The following CHI3L2 variants were observed in gnomAD, a reference collection of about 807,000 sequenced individuals.
CHI3L2 encodes chitinase-3-like protein 2.
Under a neutral mutation model 47.3 loss-of-function variants are expected in CHI3L2, and 47 were observed. That is an observed-to-expected ratio of 0.99 (90% CI 0.79 to 1.27). The LOEUF (loss-of-function observed/expected upper bound fraction) is 1.27. Among genes scored for constraint, CHI3L2 ranks in the 50% most tolerant of loss-of-function variants. The probability of loss-of-function intolerance (pLI) is 0.00; values close to 1 mark genes in which losing one functional copy is unlikely to be tolerated. For missense variants in CHI3L2, 497 were observed against 462.1 expected, an observed-to-expected ratio of 1.08 and a Z score of -0.69; for synonymous variants, 198 against 169.9, an observed-to-expected ratio of 1.17 and a Z score of -1.28.
In CHI3L2 at chr1:111,235,623, T is replaced by G. The variant is rs1279088805; in HGVS notation, c.481-16T>G. ...GGGAAGGGGAATATTGCACCTCGTT[T>G]CTTTGTTTTTCCTAGGAGTTAGCAG... On this transcript the variant is annotated splice_polypyrimidine_tract_variant and intron_variant, in intron 5 of 10. Transcript: ENST00000369748. The G allele has an allele frequency of 6.2e-7, 1 of 1,611,526 alleles. No homozygotes were observed. The highest frequency in any genetic ancestry group is 2.2e-5 in the East Asian group (1 of 44,872).
chr1:111,243,376 T>C lies in CHI3L2; in HGVS notation c.*162T>C, dbSNP rs1338068063. The C allele has an allele frequency of 7.8e-6, 3 of 385,528 alleles. No homozygotes were observed. The highest frequency in any genetic ancestry group is 1.5e-5 in the Non-Finnish European group (3 of 196,170). The allele number at this position is 385,528 out of a possible 1,614,324, so 23.9% of individuals were successfully genotyped here. Reference sequence around the variant, plus strand: ...AGATCATAGATTGGACCTGGTTTTGTTTTCCTGCAGCTGTTGACTTGTTGC... The same window carrying C: ...AGATCATAGATTGGACCTGGTTTTGCTTTCCTGCAGCTGTTGACTTGTTGC... On this transcript the variant is annotated 3_prime_UTR_variant, in exon 11 of 11. Transcript: ENST00000369748.
At chr1:111,231,037 A>G in intron 3 of CHI3L2, 94 bp downstream of exon 3, 2 of 1,046,226 alleles carry the variant, frequency 1.9e-6, no homozygotes, top group Non-Finnish European at 2.9e-6. Context: ...TCATTCATTC[A>G]TTCATTCCTA....
chr1:111,241,317 C>G lies in CHI3L2; in HGVS notation c.919-10C>G, dbSNP rs1056299339. The G allele has an allele frequency of 6.9e-7, 1 of 1,448,522 alleles. No homozygotes were observed. Among genetic ancestry groups the G allele is most frequent in the Non-Finnish European group, 9.7e-7 (1 of 1,027,082 alleles). 89.7% of individuals were successfully genotyped at this position (1,448,522 alleles called of 1,614,324 possible). ...ATTACTGACCCTCTCGTTTCCCTTT[C>G]CCCTGCCAGATCTGCCAGTTCCTGA... On this transcript the variant is annotated splice_polypyrimidine_tract_variant and intron_variant, in intron 8 of 10. Coordinates refer to ENST00000369748, the MANE Select transcript of CHI3L2 (RefSeq NM_004000.3).
intron 8 of CHI3L2, among the ~76,000 whole-genome samples, chr1:111,240,073 T>C (rs902923189): frequency 6.6e-6 from 1 of 152,074 alleles, no homozygotes; most frequent in Non-Finnish European, 1.5e-5. Context: ...GAAGGCTCCA[T>C]GGAAGAGGAG....
rs749883055 is a variant in CHI3L2 at position 111,229,894 on chromosome 1, T to C, written c.70+13T>C. 6.2e-7 allele frequency: 1 copy of C among 1,613,920 alleles called. No homozygotes were observed. Among genetic ancestry groups the C allele is most frequent in the South Asian group, 1.1e-5 (1 of 91,072 alleles). On this transcript the variant is annotated intron_variant, in intron 2 of 10. Coordinates refer to ENST00000369748, the MANE Select transcript of CHI3L2 (RefSeq NM_004000.3). Reference sequence around the variant, plus strand: ...CTTCTCCAGGGAGGTAAGTAGTCAATAAGTCACTACCGCCTGGATCTCCTG... The same window carrying C: ...CTTCTCCAGGGAGGTAAGTAGTCAACAAGTCACTACCGCCTGGATCTCCTG...
Position 111,234,902 on chromosome 1 carries a change from T to C in CHI3L2, c.330-5T>C, listed in dbSNP as rs1298690344. 3.1e-6 allele frequency: 5 copies of C among 1,613,570 alleles called. 1 individual carries two copies. In the Admixed American group the frequency reaches 8.3e-5, roughly 27 times the overall value. On this transcript the variant is annotated splice_polypyrimidine_tract_variant and splice_region_variant and intron_variant, in intron 4 of 10. Transcript: ENST00000369748. ...CAAAAAGACACTCGTATTGCTTCTT[T>C]CCAGGTTCCACCCTATGGTGGATTC...
intron 8 of CHI3L2, among the ~76,000 whole-genome samples, chr1:111,239,624 G>C (rs1659989721): frequency 6.6e-6 from 1 of 152,164 alleles, no homozygotes; most frequent in African/African-American, 2.4e-5. Flanking sequence ...AGAGAAGTAG[G>C]TGTTTCAAAA....
chr1:111,232,559 C>T (rs1659754454), intron 4 of CHI3L2, among the ~76,000 whole-genome samples: 1 of 152,124 alleles, frequency 6.6e-6, no homozygotes, highest in Non-Finnish European at 1.5e-5. Context: ...ACAGAATTTA[C>T]CTCAGGGTGG....
intron 8 of CHI3L2, among the ~76,000 whole-genome samples, chr1:111,240,212 C>T (rs1005381925): frequency 2.0e-5 from 3 of 152,156 alleles, no homozygotes; most frequent in South Asian, 2.1e-4. Context: ...AACATGCCAT[C>T]GGCCCATGCT....
chr1:111,235,589 C>T, intron 5 of CHI3L2, 50 bp from the exon 6 acceptor site: 2 of 1,590,372 alleles, frequency 1.3e-6, no homozygotes, highest in Non-Finnish European at 1.7e-6. Context: ...AAGCTTAGCA[C>T]TGTACTCTGG....
At chr1:111,238,363 G>A (rs1042797366) in intron 7 of CHI3L2, among the ~76,000 whole-genome samples, 1 of 152,346 alleles carries the variant, frequency 6.6e-6, no homozygotes, top group South Asian at 2.1e-4. Flanking sequence ...AGGCCTCATG[G>A]ACTAGGAATC....
chr1:111,229,043 C>T (rs557390899), intron 1 of CHI3L2, among the ~76,000 whole-genome samples: 2 of 152,294 alleles, frequency 1.3e-5, no homozygotes, highest in African/African-American at 2.4e-5. Context: ...CATAGTGGGA[C>T]CATCTCAATT....
At chr1:111,237,422 A>G (rs1295492447) in intron 7 of CHI3L2, among the ~76,000 whole-genome samples, 2 of 152,226 alleles carry the variant, frequency 1.3e-5, no homozygotes, top group Admixed American at 6.5e-5. Flanking sequence ...TGTTTCATAT[A>G]TATGGATGTA....
At chr1:111,239,572 GAGGGAT>G (rs919211279) in intron 8 of CHI3L2, among the ~76,000 whole-genome samples, 2 of 152,178 alleles carry the variant, frequency 1.3e-5, no homozygotes, top group Non-Finnish European at 1.5e-5. Flanking sequence ...GGAACTACAA[GAGGGAT>G]AGGAGGAACC....
chr1:111,235,959 ATTAC>A (rs1432130910), intron 6 of CHI3L2, 61 bp from the exon 7 acceptor site: 15 of 1,594,638 alleles, frequency 9.4e-6, no homozygotes, highest in African/African-American at 1.3e-5. Context: ...AGCCAAAACA[ATTAC>A]TTACAATTGT....
chr1:111,235,740 C>A lies in CHI3L2; in HGVS notation c.582C>A (p.Ser194Arg). 6.2e-7 allele frequency: 1 copy of A among 1,614,008 alleles called. No homozygotes were observed. The highest frequency in any genetic ancestry group is 8.5e-7 in the Non-Finnish European group (1 of 1,179,928). ...VSAGRQMIDN[S>R]YQVEKLAKDL... is the part of the protein sequence containing the mutation. ...CAGGGAGGCAAATGATTGATAACAG[C>A]TATCAAGTTGAGAAACTGGCAAAGT... The change falls in exon 6 of 11, where the codon AGC (serine) becomes AGA (arginine). Residue 194 changes from serine (S) to arginine (R), a missense_variant. Ser to Arg is a moderately radical substitution (Grantham distance 110). Transcript: ENST00000369748.
chr1:111,238,794 G>T lies in CHI3L2; in HGVS notation c.780G>T (p.Glu260Asp). 6.2e-7 allele frequency: 1 copy of T among 1,614,042 alleles called. No homozygotes were observed. Among genetic ancestry groups the T allele is most frequent in the Non-Finnish European group, 8.5e-7 (1 of 1,179,948 alleles). ...GGATACATAAGGGAATGCCATCAGA[G>T]AAGGTGGTCATGGGCATCCCCACAT... Reference protein sequence around the residue: ...GYWIHKGMPSEKVVMGIPTYG... With the variant: ...GYWIHKGMPSDKVVMGIPTYG... The change falls in exon 8 of 11, where the codon GAG (glutamate) becomes GAT (aspartate). Residue 260 changes from glutamate (E) to aspartate (D), a missense_variant. By Grantham distance (45) the Glu-to-Asp change is conservative. Coordinates refer to ENST00000369748, the MANE Select transcript of CHI3L2 (RefSeq NM_004000.3).
Position 111,234,905 on chromosome 1 carries a change from A to G in CHI3L2, c.330-2A>G. ...AAAGACACTCGTATTGCTTCTTTCC[A>G]GGTTCCACCCTATGGTGGATTCTTC... On this transcript the variant is annotated splice_acceptor_variant, in intron 4 of 10. Transcript: ENST00000369748. LOFTEE classifies it high-confidence loss of function. 6.2e-7 allele frequency: 1 copy of G among 1,613,650 alleles called. No individual in the cohort carries two copies. Among genetic ancestry groups the G allele is most frequent in the East Asian group, 2.2e-5 (1 of 44,888 alleles).
chr1:111,235,695 C>T lies in CHI3L2; in HGVS notation c.537C>T (p.Leu179=), dbSNP rs939101905. Residue 179 remains leucine (L), a synonymous_variant, in exon 6 of 11, where the codon CTC becomes CTT. Transcript: ENST00000369748. ...DFTKSTKERL[L]LTAGVSAGRQ... is the part of the protein sequence containing the mutation. ...CAAAATCCACCAAGGAAAGGCTTCT[C>T]TTGACTGCGGGCGTATCTGCAGGGA... is the stretch of plus-strand genomic sequence containing the variant. 6.2e-7 allele frequency: 1 copy of T among 1,614,222 alleles called. No homozygotes were observed. Among genetic ancestry groups the T allele is most frequent in the African/African-American group, 1.3e-5 (1 of 75,058 alleles).
Sources: allele counts gnomAD v4.1 joint callset (sites outside exome capture counted in the v4.1 genomes callset), GRCh38; gene constraint gnomAD v4.1.1; transcripts MANE v1.5; gene names NCBI Gene and HGNC (gene_info 2026-07-23, HGNC 2026-07-21).